The following PARP8 variants were observed in gnomAD, a reference collection of about 807,000 sequenced individuals.
The protein encoded by PARP8 is protein mono-ADP-ribosyltransferase PARP8.
In PARP8, 51 loss-of-function variants were observed where a neutral mutation model predicts 124.1. The observed-to-expected ratio is 0.41, with a 90% CI of 0.33 to 0.52. PARP8 has a LOEUF of 0.52. Ranked by LOEUF, PARP8 falls within the 20% of genes least tolerant of loss-of-function variation. The probability of loss-of-function intolerance (pLI) is 0.21; values close to 1 mark genes in which losing one functional copy is unlikely to be tolerated. For synonymous variants in PARP8, 391 were observed against 361.5 expected, an observed-to-expected ratio of 1.08 and a Z score of -0.93; for missense variants, 860 against 1,018.9, an observed-to-expected ratio of 0.84 and a Z score of 2.12.
At chr5:50,680,302 A>T (rs940703872) in intron 2 of PARP8, among the ~76,000 whole-genome samples, 1 of 151,924 alleles carries the variant, frequency 6.6e-6, no homozygotes, top group Non-Finnish European at 1.5e-5. Flanking sequence ...ATTTTTTTCC[A>T]CAATGACTCT....
chr5:50,806,269 A>G (rs1743831048), intron 14 of PARP8, among the ~76,000 whole-genome samples: 1 of 152,040 alleles, frequency 6.6e-6, no homozygotes, highest in Admixed American at 6.6e-5. Context: ...ACAGAATGGC[A>G]CCAGGCAGAG....
chr5:50,732,990 G>T (rs1410546536), intron 2 of PARP8, among the ~76,000 whole-genome samples: 3 of 151,570 alleles, frequency 2.0e-5, no homozygotes, highest in African/African-American at 7.3e-5. Context: ...TCTCATCTGT[G>T]GTCATAGATG....
chr5:50,665,946 C>A (rs1331789771), upstream of PARP8: 1 of 152,240 alleles, frequency 6.6e-6, no homozygotes, highest in Non-Finnish European at 1.5e-5. Flanking sequence ...TTTCCCTTGA[C>A]TGTCAAAGGA....
intron 2 of PARP8, among the ~76,000 whole-genome samples, chr5:50,691,423 G>A (rs553044457): frequency 1.3e-5 from 2 of 152,190 alleles, no homozygotes; most frequent in South Asian, 2.1e-4. Flanking sequence ...TTGGAAGTGC[G>A]CTCCTCTCTT....
At chr5:50,767,322 C>T (rs964129452) in intron 7 of PARP8, among the ~76,000 whole-genome samples, 3 of 152,144 alleles carry the variant, frequency 2.0e-5, no homozygotes, top group African/African-American at 7.2e-5. Flanking sequence ...ATTTTGTAAT[C>T]TCCTTTCTAG....
intron 3 of PARP8, among the ~76,000 whole-genome samples, chr5:50,751,145 G>A (rs1266770127): frequency 6.6e-6 from 1 of 152,060 alleles, no homozygotes; most frequent in Non-Finnish European, 1.5e-5. Context: ...TTAAAGCCCA[G>A]GTTGAAGACA....
chr5:50,695,607 G>T (rs1315057760), intron 2 of PARP8, among the ~76,000 whole-genome samples: 9 of 152,060 alleles, frequency 5.9e-5, no homozygotes, highest in Non-Finnish European at 1.0e-4. Flanking sequence ...TATATCCTGT[G>T]ATTATTTTTC....
At chr5:50,817,433 T>G (rs1745226218) in intron 15 of PARP8, among the ~76,000 whole-genome samples, 1 of 152,202 alleles carries the variant, frequency 6.6e-6, no homozygotes, top group African/African-American at 2.4e-5. Flanking sequence ...AATCACTTCT[T>G]TTTCTAAACA....
chr5:50,760,078 G>A (rs1024073577), intron 4 of PARP8, among the ~76,000 whole-genome samples: 3 of 152,138 alleles, frequency 2.0e-5, no homozygotes, highest in African/African-American at 7.2e-5. Flanking sequence ...TAAAGTGGTG[G>A]TTTAGTTTAA....
In PARP8 at chr5:50,845,369, A is replaced by G. The variant is rs1748536626; in HGVS notation, c.*3301A>G. The G allele has an allele frequency of 6.6e-6, 1 of 151,750 alleles. No individual in the cohort carries two copies. Among genetic ancestry groups the G allele is most frequent in the Admixed American group, 6.6e-5 (1 of 15,190 alleles). The allele number at this position is 151,750 out of a possible 1,614,324, so 9.4% of individuals were successfully genotyped here. On this transcript the variant is annotated 3_prime_UTR_variant, in exon 26 of 26. Coordinates refer to ENST00000281631, the MANE Select transcript of PARP8 (RefSeq NM_024615.4). ...TAATATGTCATGAAGGGGACACTCA[A>G]CATTGGGTCATCTACCGTCTAAATA... is the stretch of plus-strand genomic sequence containing the variant.
At chr5:50,703,923 A>G (rs767373205) in intron 2 of PARP8, among the ~76,000 whole-genome samples, 1 of 151,724 alleles carries the variant, frequency 6.6e-6, no homozygotes, top group Non-Finnish European at 1.5e-5. Flanking sequence ...TTCTTCCAAC[A>G]TGAATTTTCC....
chr5:50,829,093 G>T (rs1746662161), intron 21 of PARP8, among the ~76,000 whole-genome samples: 1 of 152,272 alleles, frequency 6.6e-6, no homozygotes, highest in African/African-American at 2.4e-5. Context: ...GTAGAAATAA[G>T]TGAAGATTGC....
At position 50,795,347 on chromosome 5, in the gene PARP8, G is replaced by A; in HGVS notation, c.1358G>A (p.Arg453Lys). 6.2e-7 allele frequency: 1 copy of A among 1,614,094 alleles called. No individual in the cohort carries two copies. Among genetic ancestry groups the A allele is most frequent in the African/African-American group, 1.3e-5 (1 of 75,036 alleles). The change falls in exon 12 of 26, where the codon AGG (arginine) becomes AAG (lysine). Residue 453 changes from arginine to lysine, a missense_variant. Physicochemically the swap from Arg to Lys is conservative, Grantham distance 26. Coordinates refer to ENST00000281631, the MANE Select transcript of PARP8 (RefSeq NM_024615.4). ...TTCAAGGAACCTAACGCAGAGGGCA[G>A]GAGGCTCTCTCTTACCTCAGGGCTT... ...ELFKEPNAEGRRLSLTSGLIG... is the reference protein window; with the variant it reads ...ELFKEPNAEGKRLSLTSGLIG...
At chr5:50,796,045 G>A (rs1742507888) in intron 12 of PARP8, among the ~76,000 whole-genome samples, 1 of 152,172 alleles carries the variant, frequency 6.6e-6, no homozygotes, top group Non-Finnish European at 1.5e-5. Context: ...TTTATCAAGA[G>A]TAACTCTTAC....
intron 2 of PARP8, among the ~76,000 whole-genome samples, chr5:50,732,627 C>CT (rs909163733): frequency 1.9e-4 from 29 of 150,248 alleles, no homozygotes; most frequent in East Asian, 3.9e-4. Context: ...TCTTTTTTTC[C>CT]TTTTTTTTTG....
intron 6 of PARP8, among the ~76,000 whole-genome samples, chr5:50,762,140 C>T (rs1012153240): frequency 6.6e-5 from 10 of 152,070 alleles, no homozygotes; most frequent in African/African-American, 1.2e-4. Context: ...TTCATTACAG[C>T]GATTTTGCAG....
chr5:50,769,161 T>C (rs1761343612), intron 7 of PARP8, among the ~76,000 whole-genome samples: 1 of 152,104 alleles, frequency 6.6e-6, no homozygotes, highest in Admixed American at 6.5e-5. Context: ...GAAATTCACA[T>C]GTAAGAGGTT....
chr5:50,837,679 A>G (rs1409395788), intron 25 of PARP8, among the ~76,000 whole-genome samples: 5 of 152,028 alleles, frequency 3.3e-5, no homozygotes, highest in African/African-American at 1.2e-4. Flanking sequence ...TGCTAAACAC[A>G]TGTTTTCCAG....
intron 2 of PARP8, among the ~76,000 whole-genome samples, chr5:50,742,640 A>G (rs1374184495): frequency 1.3e-5 from 2 of 152,240 alleles, no homozygotes; most frequent in South Asian, 4.1e-4. Context: ...AAAAACAACT[A>G]GGAAGAAAAA....
Sources: gnomAD v4.1 joint callset for allele counts (sites outside exome capture counted in the v4.1 genomes callset) on GRCh38, gnomAD v4.1.1 for gene constraint, MANE v1.5 for transcripts, NCBI Gene and HGNC (gene_info 2026-07-23, HGNC 2026-07-21) for gene names.